Variants in AGBL4 observed in about 807,000 individuals in gnomAD.
AGBL4 encodes the protein cytosolic carboxypeptidase 6.
In AGBL4, 58 loss-of-function variants were observed where a neutral mutation model predicts 66.4. That is an observed-to-expected ratio of 0.87 (90% confidence interval 0.71 to 1.09). The LOEUF is 1.09. AGBL4 is among the 50% of genes least tolerant of loss of function. The pLI is 0.00. For missense variants in AGBL4, 579 were observed against 631.0 expected (o/e 0.92, Z 0.88); for synonymous variants, 234 against 222.9 (o/e 1.05, Z -0.44).
At chr1:49,880,824 T>C (rs559583785) in intron 1 of AGBL4, among the ~76,000 whole-genome samples, 31 of 151,612 alleles carry the variant, frequency 2.0e-4, no homozygotes, top group Admixed American at 1.2e-3. Context: ...TCCGTGGGCG[T>C]AGGGCCCTCC....
At chr1:49,306,184 G>T (rs986899422) in intron 3 of AGBL4, among the ~76,000 whole-genome samples, 5 of 152,216 alleles carry the variant, frequency 3.3e-5, no homozygotes, top group African/African-American at 1.2e-4. Flanking sequence ...CATATTTCCT[G>T]GTTCCAAGAA....
At chr1:49,274,656 A>G (rs55962408) in intron 3 of AGBL4, among the ~76,000 whole-genome samples, 1 of 152,122 alleles carries the variant, frequency 6.6e-6, no homozygotes, top group Non-Finnish European at 1.5e-5. Flanking sequence ...AAAGAAATTC[A>G]TAATATGGAC....
At chr1:48,926,474 G>T (rs190329614) in intron 5 of AGBL4, among the ~76,000 whole-genome samples, 1 of 150,578 alleles carries the variant, frequency 6.6e-6, no homozygotes, top group South Asian at 2.1e-4. Flanking sequence ...TTTTAGTAGA[G>T]ATGGGGGTTT....
chr1:49,095,886 A>G (rs1225275192), intron 4 of AGBL4, among the ~76,000 whole-genome samples: 6 of 151,834 alleles, frequency 4.0e-5, no homozygotes, highest in Non-Finnish European at 5.9e-5. Context: ...AGAAACTACC[A>G]TCAGAGTGAA....
At chr1:49,264,707 G>A (rs986133908) in intron 3 of AGBL4, among the ~76,000 whole-genome samples, 2 of 151,916 alleles carry the variant, frequency 1.3e-5, no homozygotes, top group South Asian at 2.1e-4. Flanking sequence ...CACCACACCC[G>A]GCTAATTTTT....
At chr1:49,186,426 T>C (rs1273937478) in intron 4 of AGBL4, among the ~76,000 whole-genome samples, 1 of 152,194 alleles carries the variant, frequency 6.6e-6, no homozygotes. Flanking sequence ...CGTAGTCTTA[T>C]AGTCATATTT....
intron 3 of AGBL4, among the ~76,000 whole-genome samples, chr1:49,494,488 T>C (rs1001429138): frequency 1.3e-5 from 2 of 151,908 alleles, no homozygotes; most frequent in East Asian, 1.9e-4. Context: ...TGTGTTCTCA[T>C]TGTTCAATTC....
intron 2 of AGBL4, among the ~76,000 whole-genome samples, chr1:49,704,168 TTA>T (rs1168067577): frequency 1.8e-4 from 28 of 152,194 alleles, no homozygotes; most frequent in South Asian, 1.2e-3. Flanking sequence ...TAGAAATTGA[TTA>T]TCTCATTCTA....
rs560746459 is a variant in AGBL4 at position 49,301,817 on chromosome 1, T to A, written c.283-55953A>T. On this transcript the variant is annotated intron_variant, in intron 3 of 13. Transcript: ENST00000371839. ...CCCCCACCCAGGAATGGACTCAGCA[T>A]GTGAAGACATTTTCAGCACTGTTGT... Among the ~76,000 whole-genome samples the A allele has an allele frequency of 2.2e-3, 339 of 152,212 alleles. 4 individuals are homozygous for A. The highest frequency in any genetic ancestry group is 7.8e-3 in the African/African-American group (326 of 41,534).
intron 9 of AGBL4, 80 bp downstream of exon 9, chr1:48,634,413 G>A: frequency 8.3e-7 from 1 of 1,203,248 alleles, no homozygotes; most frequent in South Asian, 1.5e-5. Flanking sequence ...GCAGCTTCTA[G>A]TGGACTTTCC....
intron 5 of AGBL4, among the ~76,000 whole-genome samples, chr1:49,013,759 A>T (rs561857286): frequency 6.6e-6 from 1 of 152,282 alleles, no homozygotes; most frequent in Non-Finnish European, 1.5e-5. Context: ...GAACTAGGGC[A>T]CTTAACCCTG....
chr1:49,676,829 G>T (rs952783785), intron 3 of AGBL4, among the ~76,000 whole-genome samples: 1 of 151,974 alleles, frequency 6.6e-6, no homozygotes, highest in South Asian at 2.1e-4. Flanking sequence ...TTTAAGTCAG[G>T]CCTGGCTAAC....
chr1:49,546,249 A>G (rs1652471884), intron 3 of AGBL4, among the ~76,000 whole-genome samples: 1 of 151,836 alleles, frequency 6.6e-6, no homozygotes, highest in South Asian at 2.1e-4. Context: ...TCCATCATAT[A>G]TATGTGTGTG....
At chr1:49,067,561 C>G (rs964961729) in intron 4 of AGBL4, among the ~76,000 whole-genome samples, 1 of 152,114 alleles carries the variant, frequency 6.6e-6, no homozygotes, top group African/African-American at 2.4e-5. Flanking sequence ...GCCTTCTCTT[C>G]TTTCAGATCT....
intron 3 of AGBL4, among the ~76,000 whole-genome samples, chr1:49,418,417 C>T (rs1043371991): frequency 2.6e-4 from 40 of 152,248 alleles, no homozygotes; most frequent in Non-Finnish European, 4.9e-4. Flanking sequence ...GGTCCCTACC[C>T]TCATGGAGTT....
chr1:48,807,285 A>C (rs1455901652), intron 6 of AGBL4, among the ~76,000 whole-genome samples: 1 of 152,198 alleles, frequency 6.6e-6, no homozygotes, highest in Non-Finnish European at 1.5e-5. Context: ...TACTCTGTAC[A>C]TGTTGGTTAC....
At chr1:49,154,261 T>C (rs1330337953) in intron 4 of AGBL4, among the ~76,000 whole-genome samples, 1 of 152,046 alleles carries the variant, frequency 6.6e-6, no homozygotes, top group African/African-American at 2.4e-5. Flanking sequence ...TTGGTCTCAG[T>C]GTCTTCTCCT....
intron 3 of AGBL4, among the ~76,000 whole-genome samples, chr1:49,612,569 G>A (rs2124242325): frequency 1.3e-5 from 2 of 152,160 alleles, no homozygotes; most frequent in African/African-American, 4.8e-5. Flanking sequence ...GTGGGCAAAG[G>A]ACATGAACAG....
intron 4 of AGBL4, among the ~76,000 whole-genome samples, chr1:49,138,636 A>G (rs1206834213): frequency 6.6e-6 from 1 of 152,132 alleles, no homozygotes; most frequent in African/African-American, 2.4e-5. Flanking sequence ...GGCCAAACTT[A>G]TATCTCTGGT....
Sources: allele counts gnomAD v4.1 joint callset (sites outside exome capture counted in the v4.1 genomes callset), GRCh38; gene constraint gnomAD v4.1.1; transcripts MANE v1.5; gene names NCBI Gene and HGNC (gene_info 2026-07-23, HGNC 2026-07-21).